Variants in TBX15 observed in about 807,000 individuals in gnomAD.
The protein encoded by TBX15 is T-box transcription factor 15.
In TBX15, 18 loss-of-function variants were observed where a neutral mutation model predicts 53.9. The ratio of observed to expected loss-of-function variants is 0.33; its 90% CI spans 0.23 to 0.49. The LOEUF is 0.49. TBX15 is among the 20% of genes least tolerant of loss of function. The pLI is 0.98. For synonymous variants in TBX15, 295 were observed against 278.0 expected (o/e 1.06, Z -0.61); for missense variants, 692 against 749.5 (o/e 0.92, Z 0.90).
intron 1 of TBX15, among the ~76,000 whole-genome samples, chr1:118,981,195 A>G (rs927667576): frequency 2.6e-5 from 4 of 152,076 alleles, no homozygotes; most frequent in African/African-American, 9.7e-5. Context: ...AATGCCCATT[A>G]CCTGGAAGTT....
chr1:118,911,560 A>T (rs1655025477), intron 6 of TBX15, among the ~76,000 whole-genome samples: 1 of 152,188 alleles, frequency 6.6e-6, no homozygotes, highest in Non-Finnish European at 1.5e-5. Context: ...ATTCCTAACC[A>T]AAAGCAAATC....
At chr1:118,947,631 A>G (rs932255138) in intron 1 of TBX15, among the ~76,000 whole-genome samples, 6 of 152,210 alleles carry the variant, frequency 3.9e-5, no homozygotes, top group Non-Finnish European at 7.3e-5. Context: ...TAAATTATAA[A>G]GTGCCATATA....
chr1:118,947,962 T>C lies in TBX15; in HGVS notation c.206-16130A>G, dbSNP rs552973821. Among the ~76,000 whole-genome samples the C allele has an allele frequency of 5.3e-5, 8 of 152,322 alleles. 2 individuals carry two copies. The South Asian group carries it at 1.7e-3, about 32-fold the overall frequency. ...ACAAAATGACCTACCCAGCATCTTG[T>C]TCCATGATCTGTGATTCTGCAAAAT... On this transcript the variant is annotated intron_variant, in intron 1 of 7. Coordinates refer to ENST00000369429, the MANE Select transcript of TBX15 (RefSeq NM_001330677.2).
Position 118,931,756 on chromosome 1 carries a change from G to C in TBX15, c.282C>G (p.Asp94Glu), listed in dbSNP as rs751724978. 3.1e-6 allele frequency: 5 copies of C among 1,612,996 alleles called. No homozygotes were observed. Among genetic ancestry groups the C allele is most frequent in the Middle Eastern group, 1.6e-4 (1 of 6,080 alleles). Residue 94 changes from aspartate to glutamate, a missense_variant, in exon 2 of 8, where the codon GAC (aspartate) becomes GAG (glutamate). Around this residue, in one of 3 missense-constraint regions of TBX15, gnomAD observed 307 missense variants for 347.5 expected, o/e 0.88. Transcript: ENST00000369429. ...RTSCSFSTHT[D>E]LASGAAGPVP... The stretch of plus-strand genomic sequence containing the variant: ...CAGGGCCTGCAGCACCAGAGGCCAG[G>C]TCAGTGTGAGTACTGAAGGAGCAGG...
intron 1 of TBX15, among the ~76,000 whole-genome samples, chr1:118,949,725 A>G (rs2101653128): frequency 6.6e-6 from 1 of 152,334 alleles, no homozygotes; most frequent in Admixed American, 6.5e-5. Context: ...AAGAGCTGCT[A>G]CTTTTCCTGC....
intron 6 of TBX15, 80 bp downstream of exon 6, chr1:118,914,035 A>C: frequency 6.9e-7 from 1 of 1,458,408 alleles, no homozygotes; most frequent in Non-Finnish European, 9.6e-7. Flanking sequence ...TCTAAAAGGC[A>C]GGAGCCATCA....
intron 5 of TBX15, among the ~76,000 whole-genome samples, chr1:118,916,130 G>A (rs1366696070): frequency 6.6e-6 from 1 of 152,200 alleles, no homozygotes; most frequent in Non-Finnish European, 1.5e-5. Context: ...TACAGCCAGT[G>A]TATAGCTGTG....
chr1:118,934,207 A>G (rs1054885569), intron 1 of TBX15, among the ~76,000 whole-genome samples: 1 of 152,174 alleles, frequency 6.6e-6, no homozygotes, highest in African/African-American at 2.4e-5. Flanking sequence ...TGCAATGAAA[A>G]AGAATGAACT....
At chr1:118,986,004 C>T (rs1315485349) in intron 1 of TBX15, among the ~76,000 whole-genome samples, 1 of 152,232 alleles carries the variant, frequency 6.6e-6, no homozygotes, top group Non-Finnish European at 1.5e-5. Flanking sequence ...AGGCCCTAGA[C>T]GGGCTCCGTG....
chr1:118,935,571 C>A (rs192302922), intron 1 of TBX15, among the ~76,000 whole-genome samples: 1 of 152,124 alleles, frequency 6.6e-6, no homozygotes, highest in Admixed American at 6.6e-5. Flanking sequence ...AAGTAACCTG[C>A]GCTGAGCCAG....
At chr1:118,936,368 T>A (rs901684682) in intron 1 of TBX15, among the ~76,000 whole-genome samples, 1 of 152,184 alleles carries the variant, frequency 6.6e-6, no homozygotes, top group African/African-American at 2.4e-5. Context: ...TTTTACAGTC[T>A]TGGCATCTCC....
intron 6 of TBX15, among the ~76,000 whole-genome samples, chr1:118,909,714 C>T (rs1031197806): frequency 2.6e-5 from 4 of 152,234 alleles, no homozygotes; most frequent in Admixed American, 1.3e-4. Context: ...CCCCCAGTAG[C>T]TGGGATTACA....
intron 6 of TBX15, among the ~76,000 whole-genome samples, chr1:118,910,743 T>C (rs1245469401): frequency 6.6e-6 from 1 of 152,164 alleles, no homozygotes; most frequent in Non-Finnish European, 1.5e-5. Context: ...AGGACAAAAA[T>C]GGCTTCTATC....
intron 7 of TBX15, among the ~76,000 whole-genome samples, chr1:118,897,729 A>C (rs1654478425): frequency 6.6e-6 from 1 of 152,146 alleles, no homozygotes; most frequent in African/African-American, 2.4e-5. Flanking sequence ...CTGTCTCTTA[A>C]TGGCCATCCG....
At chr1:118,975,876 T>G (rs1657412409) in intron 1 of TBX15, among the ~76,000 whole-genome samples, 1 of 152,224 alleles carries the variant, frequency 6.6e-6, no homozygotes, top group Non-Finnish European at 1.5e-5. Flanking sequence ...ATTTGAACAC[T>G]GAGACCTGGC....
intron 6 of TBX15, among the ~76,000 whole-genome samples, chr1:118,911,737 C>T (rs974065970): frequency 6.6e-6 from 1 of 152,202 alleles, no homozygotes; most frequent in Non-Finnish European, 1.5e-5. Context: ...GGGCAGGGGT[C>T]ACGCCTTGTA....
chr1:118,885,384 C>G lies in TBX15; in HGVS notation c.1157G>C (p.Cys386Ser). The G allele has an allele frequency of 6.2e-7, 1 of 1,613,946 alleles. No homozygotes were observed. Among genetic ancestry groups the G allele is most frequent in the Non-Finnish European group, 8.5e-7 (1 of 1,180,016 alleles). Residue 386 changes from cysteine (C) to serine (S), a missense_variant, in exon 8 of 8, where the codon TGC becomes TCC. Coordinates refer to ENST00000369429, the MANE Select transcript of TBX15 (RefSeq NM_001330677.2). Reference protein sequence around the residue: ...HLAPNTFNVGCRESQLCNLNL... With the variant: ...HLAPNTFNVGSRESQLCNLNL... ...TAGATTACACAGCTGGCTTTCTCGG[C>G]AGCCCACATTGAAAGTGTTGGGGGC...
intron 6 of TBX15, among the ~76,000 whole-genome samples, chr1:118,902,973 C>T (rs1424718971): frequency 2.0e-5 from 3 of 152,082 alleles, no homozygotes; most frequent in East Asian, 1.9e-4. Context: ...ATGCCATTAA[C>T]GTGTTCCACA....
chr1:118,917,451 G>A (rs1199317693), intron 5 of TBX15, among the ~76,000 whole-genome samples: 1 of 152,126 alleles, frequency 6.6e-6, no homozygotes, highest in Non-Finnish European at 1.5e-5. Context: ...AGGATAAATA[G>A]CTAATGCATG....
Sources: gnomAD v4.1 joint callset for allele counts (sites outside exome capture counted in the v4.1 genomes callset) on GRCh38, gnomAD v4.1.1 for gene constraint, gnomAD v4.1.1 regional missense constraint, MANE v1.5 for transcripts, NCBI Gene and HGNC (gene_info 2026-07-23, HGNC 2026-07-21) for gene names.